The following DPP10 variants were observed in gnomAD, a reference collection of about 807,000 sequenced individuals.
The protein encoded by DPP10 is inactive dipeptidyl peptidase 10.
A neutral mutation model predicts 120.9 loss-of-function variants in DPP10; 33 were observed. The ratio of observed to expected loss-of-function variants is 0.27; its 90% CI spans 0.21 to 0.37. DPP10 has a LOEUF of 0.37. Ranked by LOEUF, DPP10 falls within the 10% of genes least tolerant of loss-of-function variation. The pLI, the probability that DPP10 is intolerant of heterozygous loss-of-function variation, is 1.00. For missense variants in DPP10, 816 were observed against 942.8 expected, an observed-to-expected ratio of 0.87 and a Z score of 1.76; for synonymous variants, 337 against 326.1, an observed-to-expected ratio of 1.03 and a Z score of -0.36.
chr2:115,172,574 G>GACGTTAA (rs2053428475), intron 1 of DPP10, among the ~76,000 whole-genome samples: 1 of 152,058 alleles, frequency 6.6e-6, no homozygotes, highest in Non-Finnish European at 1.5e-5. Flanking sequence ...CATTTAACCT[G>GACGTTAA]ACGTTAAACC....
At position 114,896,435 on chromosome 2, in the gene DPP10, T is replaced by C. The variant is rs577990558; in HGVS notation, c.61-412804T>C. On this transcript the variant is annotated intron_variant, in intron 1 of 25. Coordinates refer to ENST00000410059, the MANE Select transcript of DPP10 (RefSeq NM_020868.6). ...TTGAGCAGTGTTTTGTAGTTCTCCTTGAAGAGGTCCTTCACGTCCCTTGTA... is the reference window on the plus strand; with the variant it reads ...TTGAGCAGTGTTTTGTAGTTCTCCTCGAAGAGGTCCTTCACGTCCCTTGTA... Among the ~76,000 whole-genome samples the C allele has an allele frequency of 7.9e-5, 12 of 152,324 alleles. No homozygotes were observed. The South Asian group carries it at 2.5e-3, about 32-fold the overall frequency.
At chr2:115,694,480 G>C (rs1301468947) in intron 7 of DPP10, among the ~76,000 whole-genome samples, 1 of 152,136 alleles carries the variant, frequency 6.6e-6, no homozygotes, top group Admixed American at 6.6e-5. Context: ...CACTAAGTGT[G>C]AGTAAAGGCA....
In DPP10 at chr2:115,177,920, C is replaced by T. The variant is rs1031961496; in HGVS notation, c.61-131319C>T. On this transcript the variant is annotated intron_variant, in intron 1 of 25. Transcript: ENST00000410059. ...CTGGGACTACAGGTGCCCGCCACCACGCCCGGCTAACTTTTTGTATTTTTA... is the reference window on the plus strand; with the variant it reads ...CTGGGACTACAGGTGCCCGCCACCATGCCCGGCTAACTTTTTGTATTTTTA... Among the ~76,000 whole-genome samples, 14 of 152,036 alleles carry T rather than the reference C, an allele frequency of 9.2e-5. No individual in the cohort carries two copies. The East Asian group carries it at 9.7e-4, about 10-fold the overall frequency.
chr2:114,801,951 G>T (rs992215744), intron 1 of DPP10, among the ~76,000 whole-genome samples: 3 of 140,140 alleles, frequency 2.1e-5, no homozygotes, highest in Admixed American at 1.3e-4. Flanking sequence ...TTTCTACCTT[G>T]CTGTGCGAAC....
intron 1 of DPP10, among the ~76,000 whole-genome samples, chr2:114,867,570 G>A (rs1481778853): frequency 6.6e-6 from 1 of 152,118 alleles, no homozygotes; most frequent in Non-Finnish European, 1.5e-5. Flanking sequence ...TCAGTAATAT[G>A]CAGTGTATTG....
intron 1 of DPP10, among the ~76,000 whole-genome samples, chr2:114,949,824 C>T (rs1463109342): frequency 6.6e-6 from 1 of 152,188 alleles, no homozygotes. Flanking sequence ...CCAGCCTCAA[C>T]TCTTAGCTGC....
chr2:114,930,115 GA>G (rs1472945417), intron 1 of DPP10, among the ~76,000 whole-genome samples: 1 of 152,104 alleles, frequency 6.6e-6, no homozygotes, highest in Admixed American at 6.5e-5. Flanking sequence ...CAGCCTCAAA[GA>G]TTTCTGAAAA....
chr2:115,249,503 G>A (rs190880187), intron 1 of DPP10, among the ~76,000 whole-genome samples: 2 of 152,204 alleles, frequency 1.3e-5, no homozygotes, highest in East Asian at 3.9e-4. Context: ...AGAGAAATGA[G>A]GTTGAAAATG....
At chr2:114,922,834 G>A (rs1014810626) in intron 1 of DPP10, among the ~76,000 whole-genome samples, 2 of 152,102 alleles carry the variant, frequency 1.3e-5, no homozygotes, top group African/African-American at 4.8e-5. Flanking sequence ...TGGCTACTAT[G>A]GCTAATGTTG....
intron 1 of DPP10, among the ~76,000 whole-genome samples, chr2:114,970,713 C>G (rs2104784797): frequency 6.6e-6 from 1 of 152,256 alleles, no homozygotes. Flanking sequence ...TTACTTTACA[C>G]TAAATAAATT....
chr2:115,578,075 CTT>C (rs2081788890), intron 5 of DPP10, among the ~76,000 whole-genome samples: 1 of 152,122 alleles, frequency 6.6e-6, no homozygotes, highest in Non-Finnish European at 1.5e-5. Context: ...TCCTTTGAGG[CTT>C]TATAATCACA....
chr2:114,736,575 A>G (rs1677464255), intron 1 of DPP10, among the ~76,000 whole-genome samples: 2 of 152,244 alleles, frequency 1.3e-5, no homozygotes, highest in Admixed American at 1.3e-4. Flanking sequence ...AAAAATTTAT[A>G]GTTAATTATC....
chr2:115,582,443 A>G (rs1486296774), intron 5 of DPP10, among the ~76,000 whole-genome samples: 9 of 152,140 alleles, frequency 5.9e-5, no homozygotes, highest in Admixed American at 3.3e-4. Flanking sequence ...TTTCCCATCT[A>G]TTGGGAGACT....
At chr2:114,587,091 T>C (rs1320423476) in intron 1 of DPP10, among the ~76,000 whole-genome samples, 1 of 150,920 alleles carries the variant, frequency 6.6e-6, no homozygotes, top group South Asian at 2.1e-4. Context: ...AGGTCAGGAG[T>C]TCGAGCCCAG....
rs551085411 is a variant in DPP10 at position 115,093,420 on chromosome 2, G to T, written c.61-215819G>T. ...CTTTGTACAATTATAAAAGATAATT[G>T]CCCAATATAAATAATAACTAAAATT... On this transcript the variant is annotated intron_variant, in intron 1 of 25. Coordinates refer to ENST00000410059, the MANE Select transcript of DPP10 (RefSeq NM_020868.6). Among the ~76,000 whole-genome samples, 40 of 152,060 alleles carry T rather than the reference G, an allele frequency of 2.6e-4. No homozygotes were observed. In the South Asian group the frequency reaches 7.9e-3, roughly 30 times the overall value.
intron 1 of DPP10, among the ~76,000 whole-genome samples, chr2:114,981,243 C>A (rs1700072047): frequency 6.6e-6 from 1 of 152,072 alleles, no homozygotes. Flanking sequence ...CATTCTACGA[C>A]ATTTTTATGT....
intron 3 of DPP10, among the ~76,000 whole-genome samples, chr2:115,348,161 G>T (rs184858602): frequency 7.9e-5 from 12 of 152,162 alleles, no homozygotes; most frequent in South Asian, 4.1e-4. Flanking sequence ...TACTCAGCAT[G>T]CCACCATGCC....
At chr2:115,364,563 G>A (rs1008985929) in intron 3 of DPP10, among the ~76,000 whole-genome samples, 1 of 150,392 alleles carries the variant, frequency 6.6e-6, no homozygotes, top group Admixed American at 6.6e-5. Context: ...GCAAATTCCT[G>A]CTTTTCCTTA....
chr2:114,578,496 C>G (rs1690237025), intron 1 of DPP10, among the ~76,000 whole-genome samples: 1 of 151,920 alleles, frequency 6.6e-6, no homozygotes, highest in Non-Finnish European at 1.5e-5. Context: ...TTTCTCCATT[C>G]CTTTTTTTCC....
Sources: gnomAD v4.1 joint callset for allele counts (sites outside exome capture counted in the v4.1 genomes callset) on GRCh38, gnomAD v4.1.1 for gene constraint, MANE v1.5 for transcripts, NCBI Gene and HGNC (gene_info 2026-07-23, HGNC 2026-07-21) for gene names.